Variants in NUP210 observed in about 807,000 individuals in gnomAD.
The protein encoded by NUP210 is nucleoporin 210, also known as nuclear pore membrane glycoprotein 210.
NUP210 carries 151 observed loss-of-function variants against 196.0 expected under a neutral mutation model. The observed-to-expected ratio is 0.77, with a 90% confidence interval of 0.67 to 0.88. The LOEUF is 0.88. NUP210 is among the 40% of genes least tolerant of loss of function. NUP210 has a pLI of 0.00. For missense variants in NUP210, 2,314 were observed against 2,493.7 expected (o/e 0.93, Z 1.53); for synonymous variants, 1,070 against 1,052.7 (o/e 1.02, Z -0.32).
chr3:13,411,346 TCTGG>T (rs1183114383), intron 1 of NUP210, among the ~76,000 whole-genome samples: 1 of 152,228 alleles, frequency 6.6e-6, no homozygotes, highest in African/African-American at 2.4e-5. Flanking sequence ...TGAGTGTGGT[TCTGG>T]ATCTGAGGCT....
rs983128213 is a variant in NUP210, at chr3:13,330,760, G to C, written c.3936-126C>G. 3 of 876,410 alleles carry C rather than the reference G, an allele frequency of 3.4e-6. No individual in the cohort carries two copies. The African/African-American group carries it at 5.1e-5, about 15-fold the overall frequency. The allele number at this position is 876,410 out of a possible 1,614,324, so 54.3% of individuals were successfully genotyped here. ...CTGGGAGGAAAAAAGGCCCAATCTT[G>C]GCCCCACGGACCTCAGGACCACGTG... is the stretch of plus-strand genomic sequence containing the variant. On this transcript the variant is annotated intron_variant, in intron 29 of 39. Transcript: ENST00000254508.
rs748685758 is a variant in NUP210, at chr3:13,358,364, C to T, written c.2186G>A (p.Ser729Asn). 3.1e-6 allele frequency: 5 copies of T among 1,613,176 alleles called. No homozygotes were observed. The highest frequency in any genetic ancestry group is 1.3e-5 in the African/African-American group (1 of 74,892). Residue 729 changes from serine (S) to asparagine (N), a missense_variant, in exon 16 of 40, where the codon AGC (serine) becomes AAC (asparagine). Physicochemically the swap from Ser to Asn is conservative, Grantham distance 46. Transcript: ENST00000254508. ...CACCGCAGGAAAGGGGTTGGTGAGG[C>T]TGGGCTTGTTCCCCACCGACAGGGC... ...VIALSVGNKP[S>N]LTNPFPAVEP...
rs903700182 is a variant in NUP210 at position 13,328,795 on chromosome 3, G to A, written c.4262C>T (p.Ser1421Leu). 9 of 1,614,126 alleles carry A rather than the reference G, an allele frequency of 5.6e-6. No homozygotes were observed. The highest frequency in any genetic ancestry group is 3.3e-5 in the South Asian group (3 of 91,076). Residue 1421 changes from serine to leucine, a missense_variant, in exon 31 of 40, where the codon TCG becomes TTG. Coordinates refer to ENST00000254508, the MANE Select transcript of NUP210 (RefSeq NM_024923.4). ...NSGDVFHAHS[S>L]VLNFATNRDD... ...CCTGTTAGTGGCAAAGTTGAGGACC[G>A]AACTGTGAGCATGGAAGACATCTCC...
chr3:13,410,498 C>T (rs1700134145), intron 1 of NUP210, among the ~76,000 whole-genome samples: 1 of 150,464 alleles, frequency 6.6e-6, no homozygotes, highest in Admixed American at 6.6e-5. Context: ...TTTAAAAGCA[C>T]CACTGGGCCA....
chr3:13,407,113 T>A (rs1700029262), intron 1 of NUP210, among the ~76,000 whole-genome samples: 3 of 152,274 alleles, frequency 2.0e-5, no homozygotes, highest in South Asian at 4.1e-4. Context: ...ATAGCACCTA[T>A]ACAAAGCACT....
intron 6 of NUP210, among the ~76,000 whole-genome samples, chr3:13,380,426 A>T (rs1699062504): frequency 6.6e-6 from 1 of 152,200 alleles, no homozygotes; most frequent in Admixed American, 6.5e-5. Flanking sequence ...ATATCCCTCA[A>T]TAGCCCTGGG....
rs1341938256 is a variant in NUP210, at chr3:13,358,277, T to C, written c.2273A>G (p.Tyr758Cys). The C allele has an allele frequency of 1.2e-6, 2 of 1,613,628 alleles. No homozygotes were observed. The highest frequency in any genetic ancestry group is 8.5e-7 in the Non-Finnish European group (1 of 1,179,844). The change falls in exon 16 of 40, where the codon TAC (tyrosine) becomes TGC (cysteine). Residue 758 changes from tyrosine (Y) to cysteine (C), a missense_variant. By Grantham distance (194) the Tyr-to-Cys change is radical (BLOSUM62 -2). Coordinates refer to ENST00000254508, the MANE Select transcript of NUP210 (RefSeq NM_024923.4). ...GGACATGTCCAGCTGGGGGCTGGTG[T>C]AGACAGGCGCGAGGGTGAGCCTGGA... ...PPSRLTLAPV[Y>C]TSPQLDMSCP...
chr3:13,420,195 A>C lies in NUP210; in HGVS notation c.32T>G (p.Leu11Arg). The C allele has an allele frequency of 1.7e-6, 2 of 1,207,860 alleles. No individual in the cohort carries two copies. The highest frequency in any genetic ancestry group is 2.1e-6 in the Non-Finnish European group (2 of 958,530). 74.8% of individuals were successfully genotyped at this position (1,207,860 alleles called of 1,614,324 possible). Reference sequence around the variant, plus strand: ...CGCCGCCAACAGCACCGACAGCGTCAGCAGCAGCAGCCCCCGGCCCCGCGC... The same window carrying C: ...CGCCGCCAACAGCACCGACAGCGTCCGCAGCAGCAGCCCCCGGCCCCGCGC... MAARGRGLLL[L>R]TLSVLLAAGP... The change falls in exon 1 of 40, where the codon CTG (leucine) becomes CGG (arginine). Residue 11 changes from leucine (L) to arginine (R), a missense_variant. By Grantham distance (102) the Leu-to-Arg change is moderately radical (BLOSUM62 -2). Coordinates refer to ENST00000254508, the MANE Select transcript of NUP210 (RefSeq NM_024923.4). This position sits in a 1 kb window ranked among gnomAD's most constrained non-coding sequence, Gnocchi z 4.8.
At chr3:13,320,907 G>C (rs961306806) in intron 36 of NUP210, among the ~76,000 whole-genome samples, 4 of 135,266 alleles carry the variant, frequency 3.0e-5, no homozygotes, top group African/African-American at 1.1e-4. Context: ...AAAAAAAAAA[G>C]GCTAAACCAA....
intron 3 of NUP210, among the ~76,000 whole-genome samples, chr3:13,396,516 G>A (rs889969180): frequency 6.6e-6 from 1 of 151,346 alleles, no homozygotes. Context: ...GGGAGGCTAA[G>A]CCGGGTGGAT....
At chr3:13,417,948 G>A (rs1014934785) in intron 1 of NUP210, among the ~76,000 whole-genome samples, 3 of 152,112 alleles carry the variant, frequency 2.0e-5, no homozygotes, top group African/African-American at 7.2e-5. Flanking sequence ...TTTAGAAAAA[G>A]AAAAAAGTAC....
chr3:13,327,106 G>A, intron 32 of NUP210, 111 bp downstream of exon 32: 1 of 760,534 alleles, frequency 1.3e-6, no homozygotes, highest in Non-Finnish European at 2.1e-6. Flanking sequence ...TATCCTGCAG[G>A]TCTGCCTGTA....
chr3:13,346,002 C>T (rs1436286345), intron 20 of NUP210, among the ~76,000 whole-genome samples: 1 of 152,230 alleles, frequency 6.6e-6, no homozygotes, highest in Non-Finnish European at 1.5e-5. Flanking sequence ...CGCAGGGCAA[C>T]ACAGGGCAAT....
At chr3:13,398,083 T>C (rs996642500) in intron 2 of NUP210, among the ~76,000 whole-genome samples, 2 of 152,210 alleles carry the variant, frequency 1.3e-5, no homozygotes, top group Non-Finnish European at 2.9e-5. Context: ...ATAAAAATGC[T>C]TGTGCACTTT....
At chr3:13,326,776 C>T (rs757323006) in intron 32 of NUP210, among the ~76,000 whole-genome samples, 3 of 152,270 alleles carry the variant, frequency 2.0e-5, no homozygotes, top group Non-Finnish European at 4.4e-5. Context: ...ATCCGTGTGT[C>T]TCCTGGCTAG....
Position 13,386,208 on chromosome 3 carries a change from T to C in NUP210, c.817+67A>G, listed in dbSNP as rs538710616. ...GGTTAAGATGGTAAATTTTGTTACA[T>C]GTATGTAACCACAATAAAAAAAGGA... On this transcript the variant is annotated intron_variant, in intron 6 of 39. Coordinates refer to ENST00000254508, the MANE Select transcript of NUP210 (RefSeq NM_024923.4). 213 of 1,548,612 alleles carry C rather than the reference T, an allele frequency of 1.4e-4. 1 individual carries two copies. The South Asian group carries it at 2.4e-3, about 17-fold the overall frequency.
Position 13,379,791 on chromosome 3 carries a change from A to T in NUP210, c.818-70T>A. 7.4e-7 allele frequency: 1 copy of T among 1,345,694 alleles called. No individual in the cohort carries two copies. The highest frequency in any genetic ancestry group is 1.0e-6 in the Non-Finnish European group (1 of 993,710). 83.4% of individuals were successfully genotyped at this position (1,345,694 alleles called of 1,614,324 possible). Reference sequence around the variant, plus strand: ...GACAGGAAATGTTAGAAGCCAATACACTCCCACTGCCACCCCGAATCTCTG... The same window carrying T: ...GACAGGAAATGTTAGAAGCCAATACTCTCCCACTGCCACCCCGAATCTCTG... On this transcript the variant is annotated intron_variant, in intron 6 of 39. Transcript: ENST00000254508. The surrounding 1 kb of genome is among the most constrained non-coding windows in gnomAD (Gnocchi z 4.2).
intron 12 of NUP210, among the ~76,000 whole-genome samples, chr3:13,372,915 CA>C (rs1698780394): frequency 6.6e-6 from 1 of 152,148 alleles, no homozygotes; most frequent in Non-Finnish European, 1.5e-5. Flanking sequence ...GGTGAGAGGA[CA>C]GGGGTCCCAG....
At position 13,395,179 on chromosome 3, in the gene NUP210, C is replaced by T. The variant is rs1478847122; in HGVS notation, c.436+2178G>A. 2.0e-5 allele frequency among the ~76,000 whole-genome samples: 3 copies of T among 152,192 alleles called. No individual in the cohort carries two copies. In the East Asian group the frequency reaches 5.8e-4, roughly 29 times the overall value. ...CTGGCATAACAGTGGCCTGGGAAGG[C>T]TGAGGCAGGCACCTCCCCAATCCCG... On this transcript the variant is annotated intron_variant, in intron 3 of 39. Coordinates refer to ENST00000254508, the MANE Select transcript of NUP210 (RefSeq NM_024923.4).
Sources: gnomAD v4.1 joint callset for allele counts (sites outside exome capture counted in the v4.1 genomes callset) on GRCh38, gnomAD v4.1.1 for gene constraint, Gnocchi (gnomAD v3.1) non-coding constraint, MANE v1.5 for transcripts, NCBI Gene and HGNC (gene_info 2026-07-23, HGNC 2026-07-21) for gene names.